Variants in CCDC92 observed in about 807,000 individuals in gnomAD.
CCDC92 encodes coiled-coil domain-containing protein 92.
In CCDC92, 12 loss-of-function variants were observed where a neutral mutation model predicts 24.9. The observed-to-expected ratio is 0.48, with a 90% CI of 0.31 to 0.78. The LOEUF (loss-of-function observed/expected upper bound fraction) is 0.78. Among genes scored for constraint, CCDC92 ranks in the 30% least tolerant of loss-of-function variants. CCDC92 has a pLI of 0.05. For synonymous variants in CCDC92, 193 were observed against 196.3 expected (o/e 0.98, Z 0.14); for missense variants, 399 against 439.4 (o/e 0.91, Z 0.82).
intron 1 of CCDC92, among the ~76,000 whole-genome samples, chr12:123,967,801 G>A (rs1445085414): frequency 4.6e-5 from 7 of 152,214 alleles, no homozygotes; most frequent in Non-Finnish European, 7.3e-5. Flanking sequence ...TTTACATGTA[G>A]TGTTTAATGC....
intron 1 of CCDC92, among the ~76,000 whole-genome samples, chr12:123,967,140 TGAG>T (rs932133022): frequency 3.9e-5 from 6 of 152,118 alleles, no homozygotes; most frequent in Middle Eastern, 3.2e-3. Flanking sequence ...TTGCAGAGGC[TGAG>T]GAGGATTACA....
intron 1 of CCDC92, among the ~76,000 whole-genome samples, chr12:123,960,001 A>G (rs1956236825): frequency 6.6e-6 from 1 of 152,232 alleles, no homozygotes; most frequent in Admixed American, 6.5e-5. Context: ...GGAATAATTT[A>G]ACAATTTTTT....
chr12:123,953,472 A>C (rs1159887048), intron 1 of CCDC92, among the ~76,000 whole-genome samples: 2 of 152,230 alleles, frequency 1.3e-5, no homozygotes, highest in African/African-American at 2.4e-5. Flanking sequence ...AAGGATATAC[A>C]CCAAAGTGTT....
chr12:123,943,340 G>C lies in CCDC92; in HGVS notation c.181+7C>G, dbSNP rs111854458. 0.019 allele frequency: 29,995 copies of C among 1,611,702 alleles called. 353 individuals carry two copies. The highest frequency in any genetic ancestry group is 0.028 in the Middle Eastern group (172 of 6,038). On this transcript the variant is annotated splice_region_variant and intron_variant, in intron 3 of 4. Coordinates refer to ENST00000238156, the MANE Select transcript of CCDC92 (RefSeq NM_025140.3). ...CCCCGCCTGCCCGGGCCTGCTCCCC[G>C]ATGTACCTGTGCAGTGCTGCTGCAG...
rs946556054 is a variant in CCDC92, at chr12:123,941,178, C to T, written c.223+1566G>A. On this transcript the variant is annotated intron_variant, in intron 4 of 4. Coordinates refer to ENST00000238156, the MANE Select transcript of CCDC92 (RefSeq NM_025140.3). ...GACACGGGTAGCTCCTTTCCCAAGGCTTCAGTGCTGGCAGGTGTGGACGCT... is the reference window on the plus strand; with the variant it reads ...GACACGGGTAGCTCCTTTCCCAAGGTTTCAGTGCTGGCAGGTGTGGACGCT... Among the ~76,000 whole-genome samples the T allele has an allele frequency of 3.9e-5, 6 of 152,326 alleles. No homozygotes were observed. The East Asian group carries it at 1.2e-3, about 29-fold the overall frequency.
At chr12:123,959,646 A>G (rs181216675) in intron 1 of CCDC92, among the ~76,000 whole-genome samples, 144 of 152,310 alleles carry the variant, frequency 9.5e-4, no homozygotes, top group African/African-American at 3.4e-3. Flanking sequence ...TTCTTGAAAC[A>G]ATCAGCAAGA....
chr12:123,937,675 C>G lies in CCDC92; in HGVS notation c.379G>C (p.Glu127Gln). Reference protein sequence around the residue: ...TVLENTIKEREKKYLEELKAK... With the variant: ...TVLENTIKERQKKYLEELKAK... The stretch of plus-strand genomic sequence containing the variant: ...TTCAGCTCCTCCAGGTACTTCTTCT[C>G]TCGCTCCTTGATGGTGTTCTCCAGC... Residue 127 changes from glutamate to glutamine, a missense_variant, in exon 5 of 5, where the codon GAG becomes CAG. Glu to Gln is a conservative substitution (Grantham distance 29). Transcript: ENST00000238156. This position sits in a 1 kb window ranked among gnomAD's most constrained non-coding sequence, Gnocchi z 8.4. The G allele has an allele frequency of 1.9e-6, 3 of 1,614,132 alleles. No homozygotes were observed. The highest frequency in any genetic ancestry group is 2.5e-6 in the Non-Finnish European group (3 of 1,180,054).
chr12:123,943,575 G>C, intron 2 of CCDC92, 82 bp from the exon 3 acceptor site: 1 of 1,471,000 alleles, frequency 6.8e-7, no homozygotes, highest in Non-Finnish European at 9.4e-7. Context: ...GGTGCAGAGG[G>C]GTGTGCGCCT....
intron 4 of CCDC92, among the ~76,000 whole-genome samples, chr12:123,938,728 C>G (rs4930722): frequency 0.31 from 46,780 of 152,128 alleles, 7,336 homozygotes; most frequent in African/African-American, 0.34. Flanking sequence ...TTCAGTGTCT[C>G]CTGAGCACCA....
At chr12:123,969,561 T>A (rs747061050) in intron 1 of CCDC92, among the ~76,000 whole-genome samples, 2 of 142,544 alleles carry the variant, frequency 1.4e-5, no homozygotes, top group Non-Finnish European at 3.0e-5. Context: ...CTCTGCCTCC[T>A]GGGTTCAAGC....
chr12:123,947,354 C>T (rs1013651479), intron 1 of CCDC92, among the ~76,000 whole-genome samples: 11 of 152,318 alleles, frequency 7.2e-5, no homozygotes, highest in African/African-American at 1.7e-4. Flanking sequence ...AAACGTACGG[C>T]GCGGGACTGG....
At chr12:123,955,611 A>C (rs190791024) in intron 1 of CCDC92, among the ~76,000 whole-genome samples, 222 of 152,320 alleles carry the variant, frequency 1.5e-3, no homozygotes, top group Middle Eastern at 6.8e-3. Context: ...ACAGGTTTTA[A>C]GGAAAGAAAG....
At chr12:123,950,435 C>T (rs927195421) in intron 1 of CCDC92, among the ~76,000 whole-genome samples, 6 of 152,190 alleles carry the variant, frequency 3.9e-5, no homozygotes, top group African/African-American at 9.7e-5. Flanking sequence ...CCACCCAATA[C>T]GGCAAAAAGA....
chr12:123,956,219 G>C (rs1013178637), intron 1 of CCDC92: 1 of 152,078 alleles, frequency 6.6e-6, no homozygotes, highest in African/African-American at 2.4e-5. Context: ...TATTTATTTG[G>C]AATAACACAG....
chr12:123,968,845 A>T (rs993821693), intron 1 of CCDC92, among the ~76,000 whole-genome samples: 1 of 152,404 alleles, frequency 6.6e-6, no homozygotes, highest in East Asian at 1.9e-4. Context: ...AGAGAACGAG[A>T]GAGTAACTAC....
intron 1 of CCDC92, among the ~76,000 whole-genome samples, chr12:123,960,005 A>AT (rs1453433526): frequency 1.3e-5 from 2 of 152,078 alleles, no homozygotes; most frequent in East Asian, 1.9e-4. Context: ...TAATTTAACA[A>AT]TTTTTTTCAA....
At chr12:123,940,363 ATCC>A (rs1955646845) in intron 4 of CCDC92, among the ~76,000 whole-genome samples, 3 of 152,146 alleles carry the variant, frequency 2.0e-5, no homozygotes, top group South Asian at 2.1e-4. Flanking sequence ...CTGGATAGAC[ATCC>A]TCCTCATCAT....
chr12:123,952,368 TG>T (rs1349772646), intron 1 of CCDC92, among the ~76,000 whole-genome samples: 1 of 152,126 alleles, frequency 6.6e-6, no homozygotes, highest in Non-Finnish European at 1.5e-5. Flanking sequence ...GAAGAGCCAC[TG>T]GGGGAGGCAA....
At chr12:123,954,442 G>A (rs1328736272) in intron 1 of CCDC92, among the ~76,000 whole-genome samples, 3 of 152,166 alleles carry the variant, frequency 2.0e-5, no homozygotes, top group South Asian at 2.1e-4. Flanking sequence ...CATTAAAGTC[G>A]TAATGGATGT....
Sources: gnomAD v4.1 joint callset for allele counts (sites outside exome capture counted in the v4.1 genomes callset) on GRCh38, gnomAD v4.1.1 for gene constraint, Gnocchi (gnomAD v3.1) non-coding constraint, MANE v1.5 for transcripts, NCBI Gene and HGNC (gene_info 2026-07-23, HGNC 2026-07-21) for gene names.